Variants in MNAT1 observed in about 807,000 individuals in gnomAD.
MNAT1 encodes the protein MNAT1 component of CDK activating kinase, also known as CDK-activating kinase assembly factor MAT1.
A neutral mutation model predicts 42.0 loss-of-function variants in MNAT1; 43 were observed. That is an observed-to-expected ratio of 1.02 (90% CI 0.80 to 1.32). The LOEUF (loss-of-function observed/expected upper bound fraction) is 1.32, where lower values mean the gene tolerates loss of function less well. Ranked by LOEUF, MNAT1 falls within the 40% of genes most tolerant of loss-of-function variation. MNAT1 has a pLI of 0.00. For missense variants in MNAT1, 306 were observed against 350.4 expected (o/e 0.87, Z 1.01); for synonymous variants, 118 against 120.0 (o/e 0.98, Z 0.11).
chr14:60,928,131 G>T (rs1416841668), intron 7 of MNAT1, among the ~76,000 whole-genome samples: 2 of 151,990 alleles, frequency 1.3e-5, no homozygotes, highest in Non-Finnish European at 2.9e-5. Flanking sequence ...ATAAGTATGT[G>T]GTTTTTGTGT....
intron 3 of MNAT1, among the ~76,000 whole-genome samples, chr14:60,801,389 A>G (rs913440718): frequency 6.6e-6 from 1 of 152,218 alleles, no homozygotes; most frequent in African/African-American, 2.4e-5. Flanking sequence ...ACAACAAAGG[A>G]AACAACAGAG....
Position 60,771,719 on chromosome 14 carries a change from C to T in MNAT1, c.90-24498C>T, listed in dbSNP as rs552440648. Among the ~76,000 whole-genome samples the T allele has an allele frequency of 3.3e-5, 5 of 152,300 alleles. 1 individual carries two copies. In the South Asian group the frequency reaches 1.0e-3, roughly 32 times the overall value. On this transcript the variant is annotated intron_variant, in intron 1 of 7. Coordinates refer to ENST00000261245, the MANE Select transcript of MNAT1 (RefSeq NM_002431.4). ...GCCCTACATTTTCTTCTTTCCCTAG[C>T]TCTTCTCTTCTAACACTACGTAATT...
chr14:60,880,077 A>G (rs1370647848), intron 7 of MNAT1: 2 of 269,552 alleles, frequency 7.4e-6, no homozygotes, highest in Admixed American at 5.2e-5. Context: ...CTTGGCAGCC[A>G]TATTGAAATG....
At chr14:60,851,223 G>T (rs2033812384) in intron 6 of MNAT1, among the ~76,000 whole-genome samples, 1 of 152,160 alleles carries the variant, frequency 6.6e-6, no homozygotes, top group South Asian at 2.1e-4. Context: ...AATCTGGTGA[G>T]ATCTTGATTA....
chr14:60,869,041 T>TATATATATATATATATA (rs373998263), intron 6 of MNAT1, among the ~76,000 whole-genome samples: 1,783 of 92,304 alleles, frequency 0.019, 8 homozygotes, highest in East Asian at 0.029. Context: ...TATATATATA[T>TATATATATATATATATA]TTTTTTTTTT....
intron 7 of MNAT1, among the ~76,000 whole-genome samples, chr14:60,912,883 A>G (rs1038948832): frequency 6.6e-6 from 1 of 152,088 alleles, no homozygotes; most frequent in Admixed American, 6.5e-5. Context: ...GCCTTGCTAG[A>G]TTGGGGAAGT....
At chr14:60,875,718 G>A (rs1010497816) in intron 6 of MNAT1, among the ~76,000 whole-genome samples, 3 of 152,038 alleles carry the variant, frequency 2.0e-5, no homozygotes, top group East Asian at 1.9e-4. Flanking sequence ...AGAAGACTTT[G>A]AATTATAAGA....
intron 1 of MNAT1, among the ~76,000 whole-genome samples, chr14:60,787,433 C>T (rs1262457871): frequency 6.6e-6 from 1 of 152,162 alleles, no homozygotes; most frequent in Non-Finnish European, 1.5e-5. Context: ...AGTAGAAGGT[C>T]TTGCCCAGAT....
At chr14:60,936,048 C>A (rs574964285) in intron 7 of MNAT1, among the ~76,000 whole-genome samples, 1 of 152,168 alleles carries the variant, frequency 6.6e-6, no homozygotes, top group African/African-American at 2.4e-5. Flanking sequence ...CAGGCCACCA[C>A]ACAGGAACTG....
At chr14:60,872,645 A>G (rs763852876) in intron 6 of MNAT1, among the ~76,000 whole-genome samples, 13 of 146,166 alleles carry the variant, frequency 8.9e-5, no homozygotes, top group Non-Finnish European at 3.0e-5. Context: ...GTGCTATTAT[A>G]TTTTTCTTTG....
intron 7 of MNAT1, among the ~76,000 whole-genome samples, chr14:60,894,156 C>A (rs991306274): frequency 1.3e-5 from 2 of 152,066 alleles, no homozygotes; most frequent in African/African-American, 4.8e-5. Context: ...TCCTGCCTTT[C>A]CTCAGTGGTT....
At chr14:60,849,126 T>A (rs539625119) in intron 6 of MNAT1, among the ~76,000 whole-genome samples, 11 of 152,336 alleles carry the variant, frequency 7.2e-5, no homozygotes, top group African/African-American at 2.6e-4. Flanking sequence ...AAACAGTGTT[T>A]GTTTTGGATA....
chr14:60,746,717 A>T (rs1237311750), intron 1 of MNAT1, among the ~76,000 whole-genome samples: 4 of 150,460 alleles, frequency 2.7e-5, no homozygotes, highest in Non-Finnish European at 4.4e-5. Flanking sequence ...ATCAAAAATG[A>T]CTATTAGTGT....
chr14:60,942,746 GAAATTA>G (rs2036195887), intron 7 of MNAT1, among the ~76,000 whole-genome samples: 1 of 152,000 alleles, frequency 6.6e-6, no homozygotes, highest in South Asian at 2.1e-4. Context: ...ATGCATTTTA[GAAATTA>G]AAATTAAAGC....
chr14:60,969,455 TATTA>T lies in MNAT1; in HGVS notation c.*1114_*1117del, dbSNP rs1236091787. ...ACTCCATCTTATTTTACTAAGCAGTTATTAATTAATTTTAGCAATACATCTTCAT... is the reference window on the plus strand; with the variant it reads ...ACTCCATCTTATTTTACTAAGCAGTTATTAATTTTAGCAATACATCTTCAT... On this transcript the variant is annotated 3_prime_UTR_variant, in exon 8 of 8. Coordinates refer to ENST00000261245, the MANE Select transcript of MNAT1 (RefSeq NM_002431.4). The T allele has an allele frequency of 2.0e-5, 3 of 152,190 alleles. No homozygotes were observed. The highest frequency in any genetic ancestry group is 6.5e-5 in the Admixed American group (1 of 15,282). 9.4% of individuals were successfully genotyped at this position (152,190 alleles called of 1,614,324 possible).
intron 1 of MNAT1, among the ~76,000 whole-genome samples, chr14:60,781,018 A>G (rs895184109): frequency 1.3e-5 from 2 of 152,228 alleles, no homozygotes; most frequent in Non-Finnish European, 2.9e-5. Context: ...AATCTTTGTT[A>G]AAGTCCTGAA....
At chr14:60,939,193 T>G (rs1464227461) in intron 7 of MNAT1, among the ~76,000 whole-genome samples, 2 of 152,226 alleles carry the variant, frequency 1.3e-5, no homozygotes, top group Non-Finnish European at 2.9e-5. Context: ...GCTCCTGGAT[T>G]CATTGATTTG....
At chr14:60,845,083 G>A (rs2033649184) in intron 6 of MNAT1, among the ~76,000 whole-genome samples, 1 of 151,906 alleles carries the variant, frequency 6.6e-6, no homozygotes, top group Non-Finnish European at 1.5e-5. Context: ...TTTAGCTTTG[G>A]AGTAATATAA....
At chr14:60,759,149 G>A (rs1490443471) in intron 1 of MNAT1, among the ~76,000 whole-genome samples, 1 of 152,090 alleles carries the variant, frequency 6.6e-6, no homozygotes, top group African/African-American at 2.4e-5. Flanking sequence ...AGGTTTCTGG[G>A]TAACATTTAG....
Sources: allele counts gnomAD v4.1 joint callset (sites outside exome capture counted in the v4.1 genomes callset), GRCh38; gene constraint gnomAD v4.1.1; transcripts MANE v1.5; gene names NCBI Gene and HGNC (gene_info 2026-07-23, HGNC 2026-07-21).